TGFB3: variants seen among roughly 807,000 people sequenced by gnomAD.
TGFB3 encodes the protein transforming growth factor beta-3 proprotein.
In TGFB3, 5 loss-of-function variants were observed where a neutral mutation model predicts 40.1. The ratio of observed to expected loss-of-function variants is 0.12; its 90% CI spans 0.07 to 0.26. The LOEUF (loss-of-function observed/expected upper bound fraction) is 0.26. TGFB3 is among the 10% of genes least tolerant of loss of function. The pLI is 1.00. For missense variants in TGFB3, 373 were observed against 530.1 expected (o/e 0.70, Z 2.91); for synonymous variants, 184 against 205.6 (o/e 0.89, Z 0.90).
At chr14:75,962,639 G>T (rs1434116776) in intron 5 of TGFB3, among the ~76,000 whole-genome samples, 1 of 152,136 alleles carries the variant, frequency 6.6e-6, no homozygotes, top group African/African-American at 2.4e-5. Context: ...TGTGTCCATA[G>T]GTGAACTCAT....
At chr14:75,976,483 T>C (rs1213853138) in intron 1 of TGFB3, among the ~76,000 whole-genome samples, 1 of 152,248 alleles carries the variant, frequency 6.6e-6, no homozygotes, top group Admixed American at 6.5e-5. Context: ...TTAAATGAAT[T>C]AGACATGTTG....
chr14:75,977,458 C>T (rs1474732014), intron 1 of TGFB3, among the ~76,000 whole-genome samples: 3 of 152,112 alleles, frequency 2.0e-5, no homozygotes, highest in Non-Finnish European at 4.4e-5. Flanking sequence ...TGATTCATCC[C>T]AGATGGAATT....
At position 75,971,833 on chromosome 14, in the gene TGFB3, T is replaced by C; in HGVS notation, c.353-115A>G. On this transcript the variant is annotated intron_variant, in intron 1 of 6. Transcript: ENST00000238682. This position sits in a 1 kb window ranked among gnomAD's most constrained non-coding sequence, Gnocchi z 4.5. ...TCCCGCCTGCCACCTCCCTAGAGGC[T>C]TGAGGCCTCAGACCGCAAGGTGGAG... 1 of 1,190,932 alleles carries C rather than the reference T, an allele frequency of 8.4e-7. No homozygotes were observed. The highest frequency in any genetic ancestry group is 1.2e-6 in the Non-Finnish European group (1 of 825,068). 73.8% of individuals were successfully genotyped at this position (1,190,932 alleles called of 1,614,324 possible).
chr14:75,980,469 C>A lies in TGFB3; in HGVS notation c.352+73G>T, dbSNP rs2035410909. ...ACCCTGCTGTGTGGCCAGCACTAGG[C>A]CCCCCTCTGCAGAGCTCCCAGCTCC... On this transcript the variant is annotated intron_variant, in intron 1 of 6. Coordinates refer to ENST00000238682, the MANE Select transcript of TGFB3 (RefSeq NM_003239.5). This position sits in a 1 kb window ranked among gnomAD's most constrained non-coding sequence, Gnocchi z 4.3. 8.1e-6 allele frequency: 12 copies of A among 1,478,284 alleles called. No individual in the cohort carries two copies. Among genetic ancestry groups the A allele is most frequent in the Non-Finnish European group, 1.1e-5 (12 of 1,057,610 alleles). 91.6% of individuals were successfully genotyped at this position (1,478,284 alleles called of 1,614,324 possible).
chr14:75,982,040 C>T (rs1389581716), upstream of TGFB3, among the ~76,000 whole-genome samples: 3 of 152,068 alleles, frequency 2.0e-5, no homozygotes, highest in Non-Finnish European at 1.5e-5. The surrounding 1 kb of genome is among the most constrained non-coding windows in gnomAD (Gnocchi z 4.0). Flanking sequence ...CCTCCCATGA[C>T]GTCTCTGGCC....
rs1389613232 is a variant in TGFB3 at position 75,979,316 on chromosome 14, T to G, written c.352+1226A>C. ...TCTCCAGCCAGGTTCCTTTCACCCC[T>G]TGCTGTGTGCTCTGCTGACCACCCT... On this transcript the variant is annotated intron_variant, in intron 1 of 6. Coordinates refer to ENST00000238682, the MANE Select transcript of TGFB3 (RefSeq NM_003239.5). This position sits in a 1 kb window ranked among gnomAD's most constrained non-coding sequence, Gnocchi z 4.8. Among the ~76,000 whole-genome samples, 1 of 152,072 alleles carries G rather than the reference T, an allele frequency of 6.6e-6. No homozygotes were observed. The highest frequency in any genetic ancestry group is 1.5e-5 in the Non-Finnish European group (1 of 67,992).
rs1315131353 is a variant in TGFB3, at chr14:75,971,740, A to G, written c.353-22T>C. ...TCGTCTAGGAGATAAAGCAGAGCAG[A>G]GGGCACAGCATGAGCGAGACATGCA... On this transcript the variant is annotated intron_variant, in intron 1 of 6. Transcript: ENST00000238682. This position sits in a 1 kb window ranked among gnomAD's most constrained non-coding sequence, Gnocchi z 4.5. The G allele has an allele frequency of 6.2e-7, 1 of 1,613,768 alleles. No homozygotes were observed. The highest frequency in any genetic ancestry group is 8.5e-7 in the Non-Finnish European group (1 of 1,179,920).
chr14:75,959,062 T>G lies in TGFB3; in HGVS notation c.*125A>C. 1 of 1,193,782 alleles carries G rather than the reference T, an allele frequency of 8.4e-7. No individual in the cohort carries two copies. The highest frequency in any genetic ancestry group is 2.3e-5 in the East Asian group (1 of 42,604). The allele number at this position is 1,193,782 out of a possible 1,614,324, so 73.9% of individuals were successfully genotyped here. A position where few individuals can be genotyped will look rare whatever the true frequency, so the allele number is the denominator to read the frequency against. ...AAAGGAAACCTCCATCTCAGCCATT[T>G]GCCCGGAGCCGAAGGTTGTGGGCTC... On this transcript the variant is annotated 3_prime_UTR_variant, in exon 7 of 7. Transcript: ENST00000238682.
intron 1 of TGFB3, among the ~76,000 whole-genome samples, chr14:75,974,048 G>A (rs2035324505): frequency 6.6e-6 from 1 of 152,132 alleles, no homozygotes; most frequent in Non-Finnish European, 1.5e-5. Context: ...GTTGAGGCAG[G>A]AGAATCGCTT....
chr14:75,965,503 G>T, intron 4 of TGFB3, 85 bp downstream of exon 4: 1 of 1,164,954 alleles, frequency 8.6e-7, no homozygotes, highest in Non-Finnish European at 1.3e-6. Flanking sequence ...CTTTTCTTGA[G>T]GTCTGGTAAG....
Position 75,980,180 on chromosome 14 carries a change from T to C in TGFB3, c.352+362A>G, listed in dbSNP as rs1288143698. On this transcript the variant is annotated intron_variant, in intron 1 of 6. Transcript: ENST00000238682. The surrounding 1 kb of genome is among the most constrained non-coding windows in gnomAD (Gnocchi z 4.3). ...TCCTGACAGAGCCGGCCTTCCCCTT[T>C]ATGGCACCCAGATGCTTACAGTTAC... Among the ~76,000 whole-genome samples, 2 of 152,200 alleles carry C rather than the reference T, an allele frequency of 1.3e-5. No homozygotes were observed. Among genetic ancestry groups the C allele is most frequent in the African/African-American group, 4.8e-5 (2 of 41,454 alleles).
At chr14:75,964,890 T>C (rs11159160) in intron 4 of TGFB3, among the ~76,000 whole-genome samples, 2,013 of 152,244 alleles carry the variant, frequency 0.013, 30 homozygotes, top group Admixed American at 0.047. Context: ...CTGCACCTTT[T>C]CCCAGACAAG....
Position 75,980,991 on chromosome 14 carries a change from C to A in TGFB3, c.-98G>T. 9.2e-7 allele frequency: 1 copy of A among 1,087,686 alleles called. No homozygotes were observed. Among genetic ancestry groups the A allele is most frequent in the Non-Finnish European group, 1.4e-6 (1 of 717,746 alleles). The allele number at this position is 1,087,686 out of a possible 1,614,324, so 67.4% of individuals were successfully genotyped here. A position where few individuals can be genotyped will look rare whatever the true frequency, so the allele number is the denominator to read the frequency against. On this transcript the variant is annotated 5_prime_UTR_variant, in exon 1 of 7. Coordinates refer to ENST00000238682, the MANE Select transcript of TGFB3 (RefSeq NM_003239.5). This position sits in a 1 kb window ranked among gnomAD's most constrained non-coding sequence, Gnocchi z 4.3. Reference sequence around the variant, plus strand: ...GGAGGGAGGAAAACCAGGCGGCCTCCCCAGATCCCAAAGACTGAGGCTTGG... The same window carrying A: ...GGAGGGAGGAAAACCAGGCGGCCTCACCAGATCCCAAAGACTGAGGCTTGG...
At position 75,965,387 on chromosome 14, in the gene TGFB3, T is replaced by C. The variant is rs3917191; in HGVS notation, c.754+201A>G. Among the ~76,000 whole-genome samples the C allele has an allele frequency of 2.7e-3, 404 of 152,352 alleles. 3 individuals are homozygous for C. The highest frequency in any genetic ancestry group is 0.02 in the South Asian group (97 of 4,816). Reference sequence around the variant, plus strand: ...GTACGTGTTGTCTTCCAGAGGCTAATGCATTCTCTAAGCTATAAACTGAAA... The same window carrying C: ...GTACGTGTTGTCTTCCAGAGGCTAACGCATTCTCTAAGCTATAAACTGAAA... On this transcript the variant is annotated intron_variant, in intron 4 of 6. Coordinates refer to ENST00000238682, the MANE Select transcript of TGFB3 (RefSeq NM_003239.5).
chr14:75,961,824 C>T (rs1412064484), intron 5 of TGFB3, among the ~76,000 whole-genome samples: 3 of 152,162 alleles, frequency 2.0e-5, no homozygotes, highest in Non-Finnish European at 4.4e-5. Context: ...TCCCTTGTGA[C>T]ATCCCATTAC....
intron 1 of TGFB3, among the ~76,000 whole-genome samples, chr14:75,972,379 G>A (rs1447139333): frequency 6.6e-6 from 1 of 151,866 alleles, no homozygotes; most frequent in Non-Finnish European, 1.5e-5. Context: ...AATATCTAAG[G>A]GGGGGTATTA....
chr14:75,982,944 G>A (rs2035454344), upstream of TGFB3: 1 of 152,326 alleles, frequency 6.6e-6, no homozygotes, highest in Admixed American at 6.5e-5. This position sits in a 1 kb window ranked among gnomAD's most constrained non-coding sequence, Gnocchi z 4.0. Flanking sequence ...ATGGGTGAGG[G>A]GAAGTCGGCT....
At chr14:75,966,655 G>A (rs1175693490) in intron 3 of TGFB3, 1 of 152,256 alleles carries the variant, frequency 6.6e-6, no homozygotes, top group Non-Finnish European at 1.5e-5. Flanking sequence ...GCCAGGGTTT[G>A]GTGCCTGACA....
chr14:75,969,821 G>C (rs990537281), intron 3 of TGFB3, among the ~76,000 whole-genome samples: 36 of 152,154 alleles, frequency 2.4e-4, no homozygotes, highest in African/African-American at 7.0e-4. Flanking sequence ...GAATGCTCTT[G>C]TGTCCTCACA....
Sources: allele counts gnomAD v4.1 joint callset (sites outside exome capture counted in the v4.1 genomes callset), GRCh38; gene constraint gnomAD v4.1.1; non-coding constraint Gnocchi (gnomAD v3.1); transcripts MANE v1.5; gene names NCBI Gene and HGNC (gene_info 2026-07-23, HGNC 2026-07-21).